KIAA1755: variants seen among roughly 807,000 people sequenced by gnomAD.
The protein encoded by KIAA1755 is KIAA1755, also known as uncharacterized protein KIAA1755.
Under a neutral mutation model 91.7 loss-of-function variants are expected in KIAA1755, and 68 were observed. That is an observed-to-expected ratio of 0.74 (90% CI 0.61 to 0.91). KIAA1755 has a LOEUF of 0.91. Among genes scored for constraint, KIAA1755 ranks in the 40% least tolerant of loss-of-function variants. KIAA1755 has a pLI of 0.00. For synonymous variants in KIAA1755, 610 were observed against 604.6 expected, an observed-to-expected ratio of 1.01 and a Z score of -0.13; for missense variants, 1,535 against 1,494.4, an observed-to-expected ratio of 1.03 and a Z score of -0.45.
At position 38,246,009 on chromosome 20, in the gene KIAA1755, GGAAGCCA is replaced by G. The variant is rs1335844257; in HGVS notation, c.114_120del (p.Gly39ArgfsTer5). 6.2e-7 allele frequency: 1 copy of G among 1,614,066 alleles called. No individual in the cohort carries two copies. Among genetic ancestry groups the G allele is most frequent in the African/African-American group, 1.3e-5 (1 of 74,912 alleles). On this transcript the variant is annotated frameshift_variant, in exon 2 of 14. Coordinates refer to ENST00000279024, the MANE Select transcript of KIAA1755 (RefSeq NM_001029864.2). LOFTEE classifies it high-confidence loss of function. ...AGAAGGAAGCTCAGCCCATCCCCCT[GGAAGCCA>G]GAGTCCAGGAGACGGAACACCTGAC... is the stretch of plus-strand genomic sequence containing the variant.
chr20:38,216,232 G>A (rs1037186353), intron 13 of KIAA1755, among the ~76,000 whole-genome samples: 9 of 152,198 alleles, frequency 5.9e-5, no homozygotes, highest in South Asian at 4.1e-4. Flanking sequence ...CTCGGATTCC[G>A]CCTGTATCGT....
chr20:38,214,677 G>A (rs1398064165), intron 13 of KIAA1755, among the ~76,000 whole-genome samples: 2 of 152,154 alleles, frequency 1.3e-5, no homozygotes, highest in African/African-American at 4.8e-5. Context: ...CACACCTTGA[G>A]ACTGTCAGCC....
At chr20:38,246,185 T>G in intron 1 of KIAA1755, 59 bp from the exon 2 acceptor site, 1 of 1,429,460 alleles carries the variant, frequency 7.0e-7, no homozygotes. Context: ...AGAGACCACT[T>G]CCCGTGACCT....
At chr20:38,239,806 TCTGA>T in intron 3 of KIAA1755, 81 bp from the exon 4 acceptor site, 1 of 1,246,382 alleles carries the variant, frequency 8.0e-7, no homozygotes. Context: ...TCTTTCTCTT[TCTGA>T]CTAATAATAG....
intron 1 of KIAA1755, among the ~76,000 whole-genome samples, chr20:38,249,728 T>TGGAGGGAG (rs151232648): frequency 0.33 from 50,268 of 150,234 alleles, 8,505 homozygotes; most frequent in Middle Eastern, 0.49. Flanking sequence ...TACACTGAGG[T>TGGAGGGAG]GGAGGGAGGG....
intron 10 of KIAA1755, among the ~76,000 whole-genome samples, chr20:38,221,948 C>T (rs571678507): frequency 2.2e-4 from 33 of 152,278 alleles, no homozygotes; most frequent in African/African-American, 7.0e-4. Context: ...AGCAGCCTAC[C>T]GGGAAAGGCA....
In KIAA1755 at chr20:38,213,046, AG is replaced by A. The variant is rs748542081; in HGVS notation, c.3598del (p.Leu1200SerfsTer3). 1 of 1,537,408 alleles carries A rather than the reference AG, an allele frequency of 6.5e-7. No individual in the cohort carries two copies. The highest frequency in any genetic ancestry group is 2.0e-5 in the Admixed American group (1 of 50,078). On this transcript the variant is annotated frameshift_variant, in exon 14 of 14. Coordinates refer to ENST00000279024, the MANE Select transcript of KIAA1755 (RefSeq NM_001029864.2). LOFTEE classifies it high-confidence loss of function. The part of the protein sequence containing the change: ...DSPQTSPLAS[L>X] The stretch of plus-strand genomic sequence containing the variant: ...GCGACTGAAGGGGCCTCTCAGCTAG[AG>A]GGAGGCAAGGGGACTTGTCTGGGGT...
At chr20:38,254,510 G>T (rs79738846) in intron 1 of KIAA1755, among the ~76,000 whole-genome samples, 1 of 152,130 alleles carries the variant, frequency 6.6e-6, no homozygotes, top group African/African-American at 2.4e-5. Flanking sequence ...ATCAGGGGCC[G>T]GGTGCAGTGG....
chr20:38,223,607 G>C lies in KIAA1755; in HGVS notation c.2199C>G (p.His733Gln), dbSNP rs764588561. ...QKLDPFLADL[H>Q]QASSLLQASI... ...AAGCTTGTAGCAGGGAAGAGGCCTGGTGGAGGTCAGCAAGGAAAGGGTCCA... is the reference window on the plus strand; with the variant it reads ...AAGCTTGTAGCAGGGAAGAGGCCTGCTGGAGGTCAGCAAGGAAAGGGTCCA... The change falls in exon 9 of 14, where the codon CAC becomes CAG. Residue 733 changes from histidine (H) to glutamine (Q), a missense_variant. Transcript: ENST00000279024. 11 of 1,605,528 alleles carry C rather than the reference G, an allele frequency of 6.9e-6. No homozygotes were observed. Among genetic ancestry groups the C allele is most frequent in the Non-Finnish European group, 9.3e-6 (11 of 1,176,474 alleles).
Position 38,260,677 on chromosome 20 carries a change from A to G in KIAA1755, c.-177T>C. The G allele has an allele frequency of 1.7e-6, 1 of 602,196 alleles. No homozygotes were observed. Among genetic ancestry groups the G allele is most frequent in the Non-Finnish European group, 2.5e-6 (1 of 398,414 alleles). 37.3% of individuals were successfully genotyped at this position (602,196 alleles called of 1,614,324 possible). A position where few individuals can be genotyped will look rare whatever the true frequency, so the allele number is the denominator to read the frequency against. On this transcript the variant is annotated 5_prime_UTR_variant, in exon 1 of 14. Transcript: ENST00000279024. Reference sequence around the variant, plus strand: ...TCTCGGAGGAGCGGCCGGGGAGGACAGGGAGAGAGACTGAGAGAGAGACAG... The same window carrying G: ...TCTCGGAGGAGCGGCCGGGGAGGACGGGGAGAGAGACTGAGAGAGAGACAG...
chr20:38,217,102 T>C, intron 13 of KIAA1755, 151 bp downstream of exon 13: 1 of 616,418 alleles, frequency 1.6e-6, no homozygotes, highest in Non-Finnish European at 2.8e-6. Flanking sequence ...TCTGTGCAAG[T>C]GGGTGGGGGG....
chr20:38,217,659 G>A, intron 12 of KIAA1755, 185 bp from the exon 13 acceptor site: 1 of 597,316 alleles, frequency 1.7e-6, no homozygotes, highest in Non-Finnish European at 3.0e-6. Context: ...GGTGAGGGTT[G>A]AACAATTAAG....
chr20:38,260,083 G>A lies in KIAA1755; in HGVS notation c.3+415C>T. ...GCCCTGCACTGCCTGGCTGGCCTGGGAGGGGACTTTAACCCCCACCACCAC... is the reference window on the plus strand; with the variant it reads ...GCCCTGCACTGCCTGGCTGGCCTGGAAGGGGACTTTAACCCCCACCACCAC... On this transcript the variant is annotated intron_variant, in intron 1 of 13. Coordinates refer to ENST00000279024, the MANE Select transcript of KIAA1755 (RefSeq NM_001029864.2). 11 of 709,452 alleles carry A rather than the reference G, an allele frequency of 1.6e-5. No homozygotes were observed. In the South Asian group the frequency reaches 2.3e-4, roughly 15 times the overall value. 43.9% of individuals were successfully genotyped at this position (709,452 alleles called of 1,614,324 possible).
chr20:38,227,052 T>C (rs1340183314), intron 7 of KIAA1755, 102 bp downstream of exon 7: 3 of 789,708 alleles, frequency 3.8e-6, no homozygotes, highest in Non-Finnish European at 4.1e-6. Flanking sequence ...CCTCCAGGCC[T>C]CTTCTAGCTC....
intron 1 of KIAA1755, among the ~76,000 whole-genome samples, chr20:38,258,041 A>C (rs1368939877): frequency 4.6e-5 from 7 of 152,028 alleles, no homozygotes; most frequent in Non-Finnish European, 5.9e-5. Flanking sequence ...CTGGGATTAC[A>C]GGCACCTGCC....
At chr20:38,260,209 T>C (rs1160837742) in intron 1 of KIAA1755, 7 of 1,456,024 alleles carry the variant, frequency 4.8e-6, no homozygotes, top group Non-Finnish European at 5.5e-6. Flanking sequence ...GCCTCAGGGC[T>C]GAGATTCAGG....
intron 6 of KIAA1755, 42 bp from the exon 7 acceptor site, chr20:38,227,282 T>C: frequency 6.8e-7 from 1 of 1,479,438 alleles, no homozygotes; most frequent in Non-Finnish European, 9.4e-7. Context: ...GCCCAAGGCT[T>C]CATGAAGCCT....
At position 38,260,559 on chromosome 20, in the gene KIAA1755, G is replaced by T; in HGVS notation, c.-59C>A. On this transcript the variant is annotated 5_prime_UTR_variant, in exon 1 of 14. Transcript: ENST00000279024. ...CCTCTCCTGGGCGCGGGGTCTGTGG[G>T]TCCGCGGGTCCGTCTGTCTGGGGCA... 6.8e-7 allele frequency: 1 copy of T among 1,478,150 alleles called. No homozygotes were observed. Among genetic ancestry groups the T allele is most frequent in the Non-Finnish European group, 8.9e-7 (1 of 1,117,502 alleles). The allele number at this position is 1,478,150 out of a possible 1,614,324, so 91.6% of individuals were successfully genotyped here.
intron 4 of KIAA1755, among the ~76,000 whole-genome samples, chr20:38,239,300 A>G (rs1379096350): frequency 6.6e-6 from 1 of 152,238 alleles, no homozygotes; most frequent in Non-Finnish European, 1.5e-5. Context: ...TGGATGGACA[A>G]GTAGACAGAT....
Sources: allele counts gnomAD v4.1 joint callset (sites outside exome capture counted in the v4.1 genomes callset), GRCh38; gene constraint gnomAD v4.1.1; transcripts MANE v1.5; gene names NCBI Gene and HGNC (gene_info 2026-07-23, HGNC 2026-07-21).